The following MIPOL1 variants were observed in gnomAD, a reference collection of about 807,000 sequenced individuals.
The protein encoded by MIPOL1 is mirror-image polydactyly gene 1 protein.
A neutral mutation model predicts 60.9 loss-of-function variants in MIPOL1; 57 were observed. The ratio of observed to expected loss-of-function variants is 0.94; its 90% confidence interval spans 0.76 to 1.17. The LOEUF is 1.17. Among genes scored for constraint, MIPOL1 ranks in the 50% most tolerant of loss-of-function variants. The probability of loss-of-function intolerance (pLI) is 0.00; values close to 1 mark genes in which losing one functional copy is unlikely to be tolerated. For synonymous variants in MIPOL1, 179 were observed against 168.8 expected (o/e 1.06, Z -0.47); for missense variants, 551 against 511.6 (o/e 1.08, Z -0.74).
chr14:37,308,056 G>C lies in MIPOL1; in HGVS notation c.624G>C (p.Val208=). Residue 208 remains valine, a splice_region_variant and synonymous_variant, in exon 8 of 13, where the codon GTG becomes GTC. Coordinates refer to ENST00000684589, the MANE Select transcript of MIPOL1 (RefSeq NM_001388067.1). The stretch of plus-strand genomic sequence containing the variant: ...GGCTTTCTGTGTCCCTTTTTTCTAG[G>C]CTAGAAAATATTAACCCTGAAGAAA... ...RAKHMEMSLK[V]LENINPEEND... is the part of the protein sequence containing the mutation. 1 of 1,608,968 alleles carries C rather than the reference G, an allele frequency of 6.2e-7. No individual in the cohort carries two copies. Among genetic ancestry groups the C allele is most frequent in the Non-Finnish European group, 8.5e-7 (1 of 1,177,326 alleles).
rs892227875 is a variant in MIPOL1, at chr14:37,508,609, T to G, written c.1262+8471T>G. Reference sequence around the variant, plus strand: ...ATGTGAACCTGGATATAAAACACTATGCTAATGTGGACAATAATGCTTCTA... The same window carrying G: ...ATGTGAACCTGGATATAAAACACTAGGCTAATGTGGACAATAATGCTTCTA... On this transcript the variant is annotated intron_variant, in intron 12 of 12. Coordinates refer to ENST00000684589, the MANE Select transcript of MIPOL1 (RefSeq NM_001388067.1). Among the ~76,000 whole-genome samples, 3 of 152,158 alleles carry G rather than the reference T, an allele frequency of 2.0e-5. No homozygotes were observed. The South Asian group carries it at 6.2e-4, about 31-fold the overall frequency.
At chr14:37,399,779 C>A (rs1211044233) in intron 10 of MIPOL1, 2 of 152,196 alleles carry the variant, frequency 1.3e-5, no homozygotes, top group Non-Finnish European at 2.9e-5. Flanking sequence ...CTGCAGAAAG[C>A]AGATAATCTA....
At chr14:37,203,253 G>C (rs1965591882) in intron 1 of MIPOL1, among the ~76,000 whole-genome samples, 1 of 152,182 alleles carries the variant, frequency 6.6e-6, no homozygotes, top group Non-Finnish European at 1.5e-5. Context: ...AGCAAAATAA[G>C]TGTGGCTCAC....
At chr14:37,449,906 G>T (rs1311497008) in intron 11 of MIPOL1, among the ~76,000 whole-genome samples, 1 of 152,028 alleles carries the variant, frequency 6.6e-6, no homozygotes, top group Non-Finnish European at 1.5e-5. Flanking sequence ...TTTGCCTCCT[G>T]GGTTTAAGTG....
At chr14:37,239,766 T>G (rs1318667542) in intron 1 of MIPOL1, among the ~76,000 whole-genome samples, 1 of 152,182 alleles carries the variant, frequency 6.6e-6, no homozygotes, top group East Asian at 1.9e-4. Flanking sequence ...AGAAATTAAA[T>G]CAGCTTTTGT....
At chr14:37,457,719 C>T (rs2094493016) in intron 11 of MIPOL1, among the ~76,000 whole-genome samples, 1 of 152,200 alleles carries the variant, frequency 6.6e-6, no homozygotes, top group Non-Finnish European at 1.5e-5. Flanking sequence ...AAGACTTAAT[C>T]TGGGTTAAGT....
At chr14:37,298,694 A>G (rs1181830908) in intron 7 of MIPOL1, among the ~76,000 whole-genome samples, 4 of 152,178 alleles carry the variant, frequency 2.6e-5, no homozygotes, top group South Asian at 2.1e-4. Context: ...AACACATGAA[A>G]AAATGCTCAT....
chr14:37,308,141 C>A, intron 8 of MIPOL1, 52 bp downstream of exon 8: 1 of 1,535,630 alleles, frequency 6.5e-7, no homozygotes. Context: ...ATCTTAGAGG[C>A]TTAAGTTCAA....
intron 11 of MIPOL1, among the ~76,000 whole-genome samples, chr14:37,495,252 G>T (rs903048314): frequency 3.4e-5 from 5 of 146,844 alleles, no homozygotes; most frequent in African/African-American, 1.0e-4. Flanking sequence ...CTAGCATTAG[G>T]TATATCTCCC....
At chr14:37,478,721 G>T (rs1337338999) in intron 11 of MIPOL1, among the ~76,000 whole-genome samples, 1 of 152,042 alleles carries the variant, frequency 6.6e-6, no homozygotes, top group Non-Finnish European at 1.5e-5. Context: ...GATAGAAAAA[G>T]ATATTCCACG....
chr14:37,299,695 T>G (rs933175773), intron 7 of MIPOL1, among the ~76,000 whole-genome samples: 1 of 152,148 alleles, frequency 6.6e-6, no homozygotes, highest in Non-Finnish European at 1.5e-5. Flanking sequence ...CGACTTTCTC[T>G]TATTGTTAAC....
At chr14:37,481,561 AC>A (rs1475805174) in intron 11 of MIPOL1, among the ~76,000 whole-genome samples, 74 of 4,224 alleles carry the variant, frequency 0.018, no homozygotes, top group African/African-American at 0.042. Flanking sequence ...ACCCCCCCCA[AC>A]ACACACACAC....
At position 37,547,841 on chromosome 14, in the gene MIPOL1, G is replaced by T. The variant is rs1594949881; in HGVS notation, c.*870G>T. On this transcript the variant is annotated 3_prime_UTR_variant, in exon 13 of 13. Coordinates refer to ENST00000684589, the MANE Select transcript of MIPOL1 (RefSeq NM_001388067.1). ...TTTTAATTGCCATTTGATTTTTATT[G>T]TGGAGGAGGAGGATCTAATATATAA... 1 of 151,894 alleles carries T rather than the reference G, an allele frequency of 6.6e-6. No individual in the cohort carries two copies. The highest frequency in any genetic ancestry group is 2.4e-5 in the African/African-American group (1 of 41,442). The allele number at this position is 151,894 out of a possible 1,614,324, so 9.4% of individuals were successfully genotyped here.
intron 12 of MIPOL1, among the ~76,000 whole-genome samples, chr14:37,532,997 T>C (rs1015544738): frequency 6.6e-6 from 1 of 152,160 alleles, no homozygotes; most frequent in African/African-American, 2.4e-5. Context: ...TTGTGATAAA[T>C]GAAAATATAT....
At chr14:37,499,787 C>G (rs2095188326) in intron 11 of MIPOL1, 121 bp from the exon 12 acceptor site, 1 of 492,384 alleles carries the variant, frequency 2.0e-6, no homozygotes, top group Admixed American at 3.7e-5. Flanking sequence ...TTTTCATTTG[C>G]TCATTTAAGT....
chr14:37,463,279 A>G (rs931395343), intron 11 of MIPOL1, among the ~76,000 whole-genome samples: 1 of 152,196 alleles, frequency 6.6e-6, no homozygotes, highest in Non-Finnish European at 1.5e-5. Flanking sequence ...AGCACAGGAA[A>G]GACCCACCCC....
chr14:37,395,414 T>C (rs1179575809), intron 10 of MIPOL1, among the ~76,000 whole-genome samples: 1 of 152,198 alleles, frequency 6.6e-6, no homozygotes, highest in Non-Finnish European at 1.5e-5. Flanking sequence ...TTGTGTCATC[T>C]ATGATTTCTT....
intron 11 of MIPOL1, among the ~76,000 whole-genome samples, chr14:37,431,404 T>A (rs1254046436): frequency 1.3e-5 from 2 of 152,050 alleles, no homozygotes; most frequent in African/African-American, 4.8e-5. Flanking sequence ...CTTTGTTTAC[T>A]TGTCTTCTCC....
intron 9 of MIPOL1, among the ~76,000 whole-genome samples, chr14:37,316,767 CGGA>C (rs1299188944): frequency 6.6e-6 from 1 of 151,778 alleles, no homozygotes; most frequent in Non-Finnish European, 1.5e-5. Context: ...ACCTGAATTC[CGGA>C]GTTTGAGGCC....
Sources: allele counts gnomAD v4.1 joint callset (sites outside exome capture counted in the v4.1 genomes callset), GRCh38; gene constraint gnomAD v4.1.1; transcripts MANE v1.5; gene names NCBI Gene and HGNC (gene_info 2026-07-23, HGNC 2026-07-21).